Variants in SRPK1 observed in about 807,000 individuals in gnomAD.
SRPK1 encodes SRSF protein kinase 1, also known as SFRS protein kinase 1.
Under a neutral mutation model 89.5 loss-of-function variants are expected in SRPK1, and 52 were observed. The ratio of observed to expected loss-of-function variants is 0.58; its 90% CI spans 0.46 to 0.73. SRPK1 has a LOEUF of 0.73. Ranked by LOEUF, SRPK1 falls within the 30% of genes least tolerant of loss-of-function variation. The probability of loss-of-function intolerance (pLI) is 0.00; values close to 1 mark genes in which losing one functional copy is unlikely to be tolerated. For synonymous variants in SRPK1, 255 were observed against 270.2 expected, an observed-to-expected ratio of 0.94 and a Z score of 0.55; for missense variants, 603 against 780.6, an observed-to-expected ratio of 0.77 and a Z score of 2.71.
intron 5 of SRPK1, among the ~76,000 whole-genome samples, 159 bp from the exon 6 acceptor site, chr6:35,886,970 T>C (rs558758628): frequency 1.3e-5 from 2 of 152,272 alleles, no homozygotes; most frequent in East Asian, 1.9e-4. Context: ...TGGAGAAAAA[T>C]CTTAAATAGT....
chr6:35,888,507 T>C (rs1770454773), intron 4 of SRPK1, among the ~76,000 whole-genome samples: 1 of 152,126 alleles, frequency 6.6e-6, no homozygotes, highest in African/African-American at 2.4e-5. Flanking sequence ...TATTTTCCCA[T>C]AGGCAGCCAG....
intron 2 of SRPK1, among the ~76,000 whole-genome samples, chr6:35,898,246 T>C (rs554579785): frequency 1.3e-5 from 2 of 152,276 alleles, no homozygotes; most frequent in South Asian, 4.1e-4. Flanking sequence ...TGGAGGCCAT[T>C]ATTCTAAGCG....
chr6:35,886,174 C>T (rs1415818621), intron 6 of SRPK1, among the ~76,000 whole-genome samples: 2 of 151,360 alleles, frequency 1.3e-5, no homozygotes, highest in Non-Finnish European at 2.9e-5. Flanking sequence ...TCTGCCTCCC[C>T]AGTTCAAGTG....
At chr6:35,898,187 T>C (rs1770661786) in intron 2 of SRPK1, among the ~76,000 whole-genome samples, 1 of 152,184 alleles carries the variant, frequency 6.6e-6, no homozygotes, top group Non-Finnish European at 1.5e-5. Flanking sequence ...GGAATACCAC[T>C]CTGCCATGAA....
intron 13 of SRPK1, among the ~76,000 whole-genome samples, chr6:35,844,936 A>G (rs1769394682): frequency 6.6e-6 from 1 of 152,206 alleles, no homozygotes; most frequent in Non-Finnish European, 1.5e-5. Flanking sequence ...GGTCCCAGCT[A>G]TTCAGGAGGC....
intron 15 of SRPK1, among the ~76,000 whole-genome samples, chr6:35,838,110 C>G (rs1249005250): frequency 6.6e-6 from 1 of 152,072 alleles, no homozygotes; most frequent in African/African-American, 2.4e-5. Context: ...TATTGTGATT[C>G]GCCCACCTTG....
intron 6 of SRPK1, among the ~76,000 whole-genome samples, chr6:35,879,530 A>G (rs1770229726): frequency 1.3e-5 from 2 of 152,204 alleles, no homozygotes; most frequent in Non-Finnish European, 2.9e-5. Context: ...CCTTGGCAAG[A>G]GAGTGAGATC....
At chr6:35,918,681 G>A (rs1771165512) in intron 2 of SRPK1, among the ~76,000 whole-genome samples, 1 of 152,172 alleles carries the variant, frequency 6.6e-6, no homozygotes, top group Admixed American at 6.5e-5. Flanking sequence ...TAAAATGACT[G>A]CTAGATTATC....
At chr6:35,839,249 C>T (rs1445646897) in intron 14 of SRPK1, among the ~76,000 whole-genome samples, 1 of 152,196 alleles carries the variant, frequency 6.6e-6, no homozygotes, top group Non-Finnish European at 1.5e-5. Flanking sequence ...CTCCTGGGCT[C>T]AAGCAATCCT....
intron 4 of SRPK1, 61 bp downstream of exon 4, chr6:35,888,754 C>G (rs1041431694): frequency 8.9e-7 from 1 of 1,119,384 alleles, no homozygotes; most frequent in Non-Finnish European, 1.4e-6. Flanking sequence ...GCAGTGGAAA[C>G]TCAGACAAAC....
At chr6:35,870,253 A>G (rs764439854) in intron 10 of SRPK1, 28 bp downstream of exon 10, 4 of 1,587,278 alleles carry the variant, frequency 2.5e-6, no homozygotes, top group African/African-American at 1.3e-5. Context: ...TGTGTTGTAC[A>G]GTAATTTTCG....
intron 12 of SRPK1, among the ~76,000 whole-genome samples, chr6:35,866,508 C>T (rs978551914): frequency 2.0e-5 from 3 of 152,038 alleles, no homozygotes; most frequent in African/African-American, 4.8e-5. Context: ...ATTGCTTGAA[C>T]CTGGGAGGCA....
At chr6:35,880,746 A>AAAAAAAAAAAAAAAAAG (rs1770263877) in intron 6 of SRPK1, among the ~76,000 whole-genome samples, 2 of 89,204 alleles carry the variant, frequency 2.2e-5, no homozygotes, top group Non-Finnish European at 4.5e-5. Flanking sequence ...AAAAAAAAAA[A>AAAAAAAAAAAAAAAAAG]AAAAGAAAAG....
intron 2 of SRPK1, among the ~76,000 whole-genome samples, chr6:35,901,687 G>C (rs1770742428): frequency 6.6e-6 from 1 of 152,138 alleles, no homozygotes; most frequent in Admixed American, 6.5e-5. Context: ...GTGATGCAAA[G>C]ATTTAACGAG....
chr6:35,834,461 T>C lies in SRPK1; in HGVS notation c.*843A>G, dbSNP rs978965758. ...TCCTGATCCTTTAGTTATGGGGCAA[T>C]AAACTCAAGTGCAATGAGTAAAGTG... On this transcript the variant is annotated 3_prime_UTR_variant, in exon 16 of 16. Coordinates refer to ENST00000373825, the MANE Select transcript of SRPK1 (RefSeq NM_003137.5). The C allele has an allele frequency of 1.3e-5, 2 of 152,106 alleles. No individual in the cohort carries two copies. The highest frequency in any genetic ancestry group is 2.9e-5 in the Non-Finnish European group (2 of 68,016). The allele number at this position is 152,106 out of a possible 1,614,324, so 9.4% of individuals were successfully genotyped here.
At chr6:35,918,800 A>G (rs190050815) in intron 2 of SRPK1, among the ~76,000 whole-genome samples, 2 of 152,368 alleles carry the variant, frequency 1.3e-5, no homozygotes, top group East Asian at 1.9e-4. Flanking sequence ...TATGGTCTAA[A>G]TAGATAATCG....
intron 15 of SRPK1, among the ~76,000 whole-genome samples, 176 bp downstream of exon 15, chr6:35,838,161 C>G (rs1467364964): frequency 1.3e-5 from 2 of 152,150 alleles, no homozygotes; most frequent in Admixed American, 6.6e-5. Flanking sequence ...AGCCACCGCG[C>G]CCGGCTCAGT....
intron 2 of SRPK1, among the ~76,000 whole-genome samples, chr6:35,899,539 G>A (rs1289942892): frequency 6.6e-6 from 1 of 152,122 alleles, no homozygotes; most frequent in Non-Finnish European, 1.5e-5. Context: ...TGTGTACAAG[G>A]TATTTCTCTT....
At chr6:35,898,216 T>G (rs1246675015) in intron 2 of SRPK1, among the ~76,000 whole-genome samples, 1 of 152,218 alleles carries the variant, frequency 6.6e-6, no homozygotes, top group Non-Finnish European at 1.5e-5. Flanking sequence ...AAATGTCTTT[T>G]GCAGCAACTT....
Sources: gnomAD v4.1 joint callset for allele counts (sites outside exome capture counted in the v4.1 genomes callset) on GRCh38, gnomAD v4.1.1 for gene constraint, MANE v1.5 for transcripts, NCBI Gene and HGNC (gene_info 2026-07-23, HGNC 2026-07-21) for gene names.